The following FAM185A variants were observed in gnomAD, a reference collection of about 807,000 sequenced individuals.
FAM185A encodes the protein family with sequence similarity 185 member A.
A neutral mutation model predicts 45.7 loss-of-function variants in FAM185A; 21 were observed. The ratio of observed to expected loss-of-function variants is 0.46; its 90% CI spans 0.33 to 0.66. FAM185A has a LOEUF of 0.66. Among genes scored for constraint, FAM185A ranks in the 30% least tolerant of loss-of-function variants. FAM185A has a pLI of 0.03. For synonymous variants in FAM185A, 117 were observed against 194.0 expected (o/e 0.60, Z 3.30); for missense variants, 305 against 485.4 (o/e 0.63, Z 3.49).
At chr7:102,819,575 C>T in the FAM185A span, among the ~76,000 whole-genome samples, 5 of 152,124 alleles carry the variant, frequency 3.3e-5, no homozygotes, top group African/African-American at 4.8e-5. Context: ...CCTCTTCTGA[C>T]GGCTGTAATT....
Position 102,749,205 on chromosome 7 carries a change from G to T in FAM185A, c.-3G>T. ...TTCTGAGGACTGGCGAGAGAGGCGC[G>T]CCATGCTTGCCCCCTGCTCAGGTTG... On this transcript the variant is annotated 5_prime_UTR_variant, in exon 1 of 8. Transcript: ENST00000413034. 1 of 1,551,230 alleles carries T rather than the reference G, an allele frequency of 6.4e-7. No homozygotes were observed. Among genetic ancestry groups the T allele is most frequent in the Non-Finnish European group, 8.7e-7 (1 of 1,146,862 alleles).
At chr7:102,788,914 TA>T (rs1026807284) in intron 7 of FAM185A, among the ~76,000 whole-genome samples, 2 of 152,116 alleles carry the variant, frequency 1.3e-5, no homozygotes, top group African/African-American at 4.8e-5. Flanking sequence ...GCATAAAAGA[TA>T]AAACATGGTA....
intron 2 of FAM185A, among the ~76,000 whole-genome samples, chr7:102,756,624 T>G (rs1237233274): frequency 6.6e-6 from 1 of 152,046 alleles, no homozygotes; most frequent in Non-Finnish European, 1.5e-5. Context: ...ACCACTGCAC[T>G]TCAGCCTGGG....
chr7:102,782,717 C>T (rs1279882614), intron 6 of FAM185A, among the ~76,000 whole-genome samples: 1 of 152,062 alleles, frequency 6.6e-6, no homozygotes, highest in Non-Finnish European at 1.5e-5. Flanking sequence ...TGAAGACCAT[C>T]GAGGCTAGGA....
chr7:102,834,473 A>ATATG, the FAM185A span: 240 of 141,538 alleles, frequency 1.7e-3, no homozygotes, highest in African/African-American at 6.2e-3. Context: ...ATATATATAT[A>ATATG]TGTGATGTGG....
At chr7:102,798,874 A>G (rs1767031901) in intron 7 of FAM185A, among the ~76,000 whole-genome samples, 2 of 151,810 alleles carry the variant, frequency 1.3e-5, no homozygotes, top group African/African-American at 4.8e-5. Flanking sequence ...CAGCCTCCCA[A>G]GTAGCTGGGA....
chr7:102,826,876 T>C, the FAM185A span, among the ~76,000 whole-genome samples: 2 of 146,686 alleles, frequency 1.4e-5, no homozygotes, highest in Non-Finnish European at 3.0e-5. Context: ...AGGGAGAGGC[T>C]CTTAGGAAAT....
chr7:102,763,182 G>T (rs547681268), intron 4 of FAM185A, among the ~76,000 whole-genome samples: 1 of 151,914 alleles, frequency 6.6e-6, no homozygotes, highest in East Asian at 1.9e-4. Context: ...TAAAACAGGT[G>T]GTCTTTTTTG....
intron 7 of FAM185A, among the ~76,000 whole-genome samples, chr7:102,791,077 A>G (rs1202812172): frequency 2.6e-5 from 4 of 152,236 alleles, no homozygotes; most frequent in Non-Finnish European, 4.4e-5. Flanking sequence ...ATATGGCCAA[A>G]GTATAGAGAG....
At chr7:102,832,704 T>C in the FAM185A span, 12 of 1,073,732 alleles carry the variant, frequency 1.1e-5, no homozygotes, top group South Asian at 6.1e-5. Flanking sequence ...AATTTGAGGA[T>C]AGAAGAAAAA....
chr7:102,835,767 G>A, the FAM185A span, among the ~76,000 whole-genome samples: 1 of 148,802 alleles, frequency 6.7e-6, no homozygotes, highest in Non-Finnish European at 1.5e-5. Flanking sequence ...CCGCCACTAC[G>A]CCCGGCTAAT....
At chr7:102,838,012 C>T in the FAM185A span, among the ~76,000 whole-genome samples, 3 of 152,214 alleles carry the variant, frequency 2.0e-5, no homozygotes, top group Non-Finnish European at 2.9e-5. Flanking sequence ...AAGAATGCTT[C>T]TCAGCACAGG....
At chr7:102,846,492 G>A in the FAM185A span, among the ~76,000 whole-genome samples, 3 of 151,918 alleles carry the variant, frequency 2.0e-5, no homozygotes, top group African/African-American at 7.3e-5. Flanking sequence ...GATGGCACAT[G>A]CCTGTAATCC....
At chr7:102,833,564 C>T in the FAM185A span, among the ~76,000 whole-genome samples, 1 of 150,240 alleles carries the variant, frequency 6.7e-6, no homozygotes. Context: ...CCTATTGGGA[C>T]TACAGGCGTG....
At chr7:102,760,252 ATTTTTC>A (rs910851164) in intron 3 of FAM185A, among the ~76,000 whole-genome samples, 19 of 151,982 alleles carry the variant, frequency 1.3e-4, no homozygotes, top group Non-Finnish European at 2.1e-4. Flanking sequence ...TAAGTGAAAA[ATTTTTC>A]TTTTCATGTA....
In FAM185A at chr7:102,757,726, C is replaced by A; in HGVS notation, c.562-128C>A. On this transcript the variant is annotated intron_variant, in intron 2 of 7. Transcript: ENST00000413034. ...TGTCATTATTCGAAGCAGTGAGTTT[C>A]TATTTCATTCCTTATTGTTCTTTTG... 9.2e-6 allele frequency: 12 copies of A among 1,299,900 alleles called. No individual in the cohort carries two copies. The South Asian group carries it at 1.8e-4, about 19-fold the overall frequency. 80.5% of individuals were successfully genotyped at this position (1,299,900 alleles called of 1,614,324 possible). A position where few individuals can be genotyped will look rare whatever the true frequency, so the allele number is the denominator to read the frequency against.
the FAM185A span, among the ~76,000 whole-genome samples, chr7:102,817,074 T>G: frequency 4.6e-5 from 7 of 152,232 alleles, no homozygotes; most frequent in Admixed American, 3.3e-4. Flanking sequence ...AACATACAAC[T>G]GCAGGTGTCT....
rs867174491 is a variant in FAM185A at position 102,795,747 on chromosome 7, G to A, written c.1066+8278G>A. Among the ~76,000 whole-genome samples, 191 of 151,526 alleles carry A rather than the reference G, an allele frequency of 1.3e-3. 2 individuals are homozygous for A. The highest frequency in any genetic ancestry group is 4.4e-3 in the African/African-American group (181 of 41,346). On this transcript the variant is annotated intron_variant, in intron 7 of 7. Transcript: ENST00000413034. ...CATAACTCATGGGGCATTGGGTAGA[G>A]CATTTAGTAGTGGGAAACAATCAGT...
At chr7:102,824,729 G>A in the FAM185A span, among the ~76,000 whole-genome samples, 1 of 150,384 alleles carries the variant, frequency 6.6e-6, no homozygotes, top group Non-Finnish European at 1.5e-5. Context: ...CAAGTGATCC[G>A]CTCACCTTGG....
Sources: gnomAD v4.1 joint callset for allele counts (sites outside exome capture counted in the v4.1 genomes callset) on GRCh38, gnomAD v4.1.1 for gene constraint, MANE v1.5 for transcripts, NCBI Gene and HGNC (gene_info 2026-07-23, HGNC 2026-07-21) for gene names.